Variants in CNTNAP4 observed in about 807,000 individuals in gnomAD.
CNTNAP4 encodes the protein contactin-associated protein-like 4.
In CNTNAP4, 98 loss-of-function variants were observed where a neutral mutation model predicts 148.4. The ratio of observed to expected loss-of-function variants is 0.66; its 90% CI spans 0.56 to 0.78. CNTNAP4 has a LOEUF of 0.78. CNTNAP4 is among the 30% of genes least tolerant of loss of function. The pLI, the probability that CNTNAP4 is intolerant of heterozygous loss-of-function variation, is 0.00. For synonymous variants in CNTNAP4, 730 were observed against 565.1 expected, an observed-to-expected ratio of 1.29 and a Z score of -4.14; for missense variants, 1,935 against 1,565.6, an observed-to-expected ratio of 1.24 and a Z score of -3.98.
chr16:76,413,539 A>G, intron 3 of CNTNAP4, among the ~76,000 whole-genome samples: 1 of 146,406 alleles, frequency 6.8e-6, no homozygotes, highest in Non-Finnish European at 1.5e-5. Flanking sequence ...TATTTTCTAT[A>G]ACATTATAAG....
chr16:76,369,250 T>G (rs1378774458), intron 3 of CNTNAP4, among the ~76,000 whole-genome samples: 1 of 152,232 alleles, frequency 6.6e-6, no homozygotes, highest in Non-Finnish European at 1.5e-5. Flanking sequence ...TTCTTTCATT[T>G]TAAGTTATTC....
At chr16:76,311,919 T>C (rs966864097) in intron 1 of CNTNAP4, among the ~76,000 whole-genome samples, 1 of 152,228 alleles carries the variant, frequency 6.6e-6, no homozygotes, top group Non-Finnish European at 1.5e-5. Flanking sequence ...AATGCAATTA[T>C]GTTTTAGGCT....
intron 3 of CNTNAP4, among the ~76,000 whole-genome samples, chr16:76,372,569 G>A (rs985379156): frequency 1.3e-5 from 2 of 152,116 alleles, no homozygotes; most frequent in Non-Finnish European, 2.9e-5. Context: ...TCCTGGTAGT[G>A]AGTAAGTCTC....
Position 76,380,653 on chromosome 16 carries a change from A to AT in CNTNAP4, c.390+25149dup, listed in dbSNP as rs1035238454. Reference sequence around the variant, plus strand: ...TTCTTTTTCTTGAAAACATTCACCAATTTTTTTATTTGTAAGTAGCGATAC... The same window carrying AT: ...TTCTTTTTCTTGAAAACATTCACCAATTTTTTTTATTTGTAAGTAGCGATAC... On this transcript the variant is annotated intron_variant, in intron 3 of 23. Coordinates refer to ENST00000611870, the MANE Select transcript of CNTNAP4 (RefSeq NM_033401.5). Among the ~76,000 whole-genome samples, 4 of 152,188 alleles carry AT rather than the reference A, an allele frequency of 2.6e-5. No homozygotes were observed. In the South Asian group the frequency reaches 8.3e-4, roughly 32 times the overall value.
At chr16:76,390,676 C>A (rs1027228794) in intron 3 of CNTNAP4, among the ~76,000 whole-genome samples, 28 of 151,944 alleles carry the variant, frequency 1.8e-4, no homozygotes, top group African/African-American at 6.0e-4. Flanking sequence ...TCACAGGTAG[C>A]TTACTCACCA....
rs1343149509 is a variant in CNTNAP4, at chr16:76,472,554, G to T, written c.1656-3385G>T. On this transcript the variant is annotated intron_variant, in intron 10 of 23. Coordinates refer to ENST00000611870, the MANE Select transcript of CNTNAP4 (RefSeq NM_033401.5). ...TAGTTTGCTAAGGAAGTGGCCTCCA[G>T]CTCCATCTATGTTCCTGCAAAGGAC... is the stretch of plus-strand genomic sequence containing the variant. 4.0e-5 allele frequency among the ~76,000 whole-genome samples: 6 copies of T among 149,940 alleles called. No homozygotes were observed. In the South Asian group the frequency reaches 1.2e-3, roughly 31 times the overall value.
intron 8 of CNTNAP4, among the ~76,000 whole-genome samples, chr16:76,461,212 T>C (rs2080948015): frequency 6.6e-6 from 1 of 152,056 alleles, no homozygotes. Context: ...CTTACAAAAA[T>C]TTAAAGAAAA....
At chr16:76,440,686 A>G (rs898596162) in intron 4 of CNTNAP4, among the ~76,000 whole-genome samples, 6 of 152,174 alleles carry the variant, frequency 3.9e-5, no homozygotes, top group Admixed American at 3.9e-4. Context: ...TTAGAATTCC[A>G]GAGATTCTAA....
At chr16:76,493,934 C>T (rs771512044) in intron 13 of CNTNAP4, among the ~76,000 whole-genome samples, 3 of 152,034 alleles carry the variant, frequency 2.0e-5, no homozygotes, top group Non-Finnish European at 2.9e-5. Context: ...AGTAAAAATC[C>T]CAGATTCTCA....
chr16:76,407,934 C>G (rs372304213), intron 3 of CNTNAP4, among the ~76,000 whole-genome samples: 12 of 152,002 alleles, frequency 7.9e-5, no homozygotes, highest in Admixed American at 7.9e-4. Context: ...TTTAAAAATT[C>G]ACTCCACAGT....
chr16:76,560,133 A>T lies in CNTNAP4; in HGVS notation c.*1450A>T, dbSNP rs2085359667. 1.3e-5 allele frequency among the ~76,000 whole-genome samples: 2 copies of T among 152,304 alleles called. No individual in the cohort carries two copies. Among genetic ancestry groups the T allele is most frequent in the East Asian group, 1.9e-4 (1 of 5,184 alleles). ...AACTATCTTTGAATTCTGCAAGCCA[A>T]TCATACAATAAAGGCACTCTATTAT... On this transcript the variant is annotated 3_prime_UTR_variant, in exon 24 of 24. Transcript: ENST00000611870.
At chr16:76,498,197 C>G (rs2082470849) in intron 14 of CNTNAP4, among the ~76,000 whole-genome samples, 1 of 152,134 alleles carries the variant, frequency 6.6e-6, no homozygotes, top group Admixed American at 6.5e-5. Context: ...TCAAGACCAG[C>G]CTGGCCAACA....
At chr16:76,501,561 G>A (rs1342114034) in intron 15 of CNTNAP4, among the ~76,000 whole-genome samples, 1 of 152,106 alleles carries the variant, frequency 6.6e-6, no homozygotes, top group Non-Finnish European at 1.5e-5. Flanking sequence ...GGCAGTGTTC[G>A]GAGACATTGT....
rs151216645 is a variant in CNTNAP4 at position 76,291,287 on chromosome 16, A to G, written c.85+13540A>G. On this transcript the variant is annotated intron_variant, in intron 1 of 23. Transcript: ENST00000611870. ...TAAAACTTAACAGCTGAGTGGAGTC[A>G]TCCTGAAGTTGAATCCTGGTTCAGT... Among the ~76,000 whole-genome samples, 12 of 152,290 alleles carry G rather than the reference A, an allele frequency of 7.9e-5. 2 individuals carry two copies. Among genetic ancestry groups the G allele is most frequent in the African/African-American group, 2.9e-4 (12 of 41,566 alleles).
Position 76,558,842 on chromosome 16 carries a change from G to A in CNTNAP4, c.*159G>A, listed in dbSNP as rs34036659. The A allele has an allele frequency of 0.38, 190,002 of 504,304 alleles. 38,074 individuals carry two copies. The highest frequency in any genetic ancestry group is 0.56 in the East Asian group (17,827 of 31,918). 31.2% of individuals were successfully genotyped at this position (504,304 alleles called of 1,614,324 possible). On this transcript the variant is annotated 3_prime_UTR_variant, in exon 24 of 24. Coordinates refer to ENST00000611870, the MANE Select transcript of CNTNAP4 (RefSeq NM_033401.5). ...GCTTGGGGTGGCTCCAGGAAGCCTC[G>A]TCCAGTGATATATTTCTCATAGCAT...
intron 3 of CNTNAP4, among the ~76,000 whole-genome samples, chr16:76,408,962 G>T (rs2078699463): frequency 6.6e-6 from 1 of 151,938 alleles, no homozygotes; most frequent in African/African-American, 2.4e-5. Flanking sequence ...TTCTTACAGA[G>T]CCATGGTTTT....
intron 17 of CNTNAP4, among the ~76,000 whole-genome samples, chr16:76,525,766 C>T (rs2083703164): frequency 8.7e-6 from 1 of 115,000 alleles, no homozygotes; most frequent in East Asian, 2.6e-4. Flanking sequence ...TATATATAAA[C>T]AGTATAAGCT....
intron 1 of CNTNAP4, among the ~76,000 whole-genome samples, chr16:76,279,758 A>C (rs988208990): frequency 1.3e-5 from 2 of 152,222 alleles, no homozygotes; most frequent in African/African-American, 4.8e-5. Flanking sequence ...TGCACTCAGT[A>C]ATTTATTGTG....
Position 76,389,516 on chromosome 16 carries a change from T to C in CNTNAP4, c.390+34005T>C, listed in dbSNP as rs536041836. On this transcript the variant is annotated intron_variant, in intron 3 of 23. Transcript: ENST00000611870. ...TTGCCTAGGCTGGAGTGCAGTGACGTGATCTCAGCTCACTGCAACATCCTC... is the reference window on the plus strand; with the variant it reads ...TTGCCTAGGCTGGAGTGCAGTGACGCGATCTCAGCTCACTGCAACATCCTC... Among the ~76,000 whole-genome samples, 3 of 152,298 alleles carry C rather than the reference T, an allele frequency of 2.0e-5. No individual in the cohort carries two copies. The East Asian group carries it at 5.8e-4, about 29-fold the overall frequency.
Sources: gnomAD v4.1 joint callset for allele counts (sites outside exome capture counted in the v4.1 genomes callset) on GRCh38, gnomAD v4.1.1 for gene constraint, MANE v1.5 for transcripts, NCBI Gene and HGNC (gene_info 2026-07-23, HGNC 2026-07-21) for gene names.